Variants in DAB1 observed in about 807,000 individuals in gnomAD.
DAB1 encodes the protein DAB adaptor protein 1, also known as disabled homolog 1.
In DAB1, 15 loss-of-function variants were observed where a neutral mutation model predicts 64.6. The observed-to-expected ratio is 0.23, with a 90% CI of 0.16 to 0.36. The LOEUF is 0.36. Ranked by LOEUF, DAB1 falls within the 10% of genes least tolerant of loss-of-function variation. The pLI is 1.00. For missense variants in DAB1, 596 were observed against 706.7 expected (o/e 0.84, Z 1.78); for synonymous variants, 235 against 251.9 (o/e 0.93, Z 0.64).
At chr1:58,109,448 C>T (rs1051931721) in intron 5 of DAB1, among the ~76,000 whole-genome samples, 4 of 152,136 alleles carry the variant, frequency 2.6e-5, no homozygotes, top group Admixed American at 6.6e-5. Flanking sequence ...ATTGAATAAT[C>T]GGACTTCAGG....
intron 7 of DAB1, among the ~76,000 whole-genome samples, chr1:57,447,526 A>G (rs1372073504): frequency 1.3e-5 from 2 of 152,230 alleles, no homozygotes; most frequent in Non-Finnish European, 2.9e-5. Flanking sequence ...ATTAGTTTTT[A>G]GAGGAAGATT....
intron 1 of DAB1, among the ~76,000 whole-genome samples, chr1:57,368,255 C>A (rs1680221525): frequency 6.6e-6 from 1 of 152,206 alleles, no homozygotes; most frequent in Admixed American, 6.5e-5. Context: ...GCACCTACAG[C>A]CTGGGTGCCA....
intron 2 of DAB1, among the ~76,000 whole-genome samples, chr1:57,207,797 C>T (rs1665709067): frequency 6.6e-6 from 1 of 152,154 alleles, no homozygotes; most frequent in Admixed American, 6.5e-5. Flanking sequence ...TAACTTCTTC[C>T]AGCAAGGTGT....
At chr1:57,373,387 C>A (rs1254824246) in intron 1 of DAB1, among the ~76,000 whole-genome samples, 3 of 151,888 alleles carry the variant, frequency 2.0e-5, no homozygotes, top group East Asian at 3.9e-4. Flanking sequence ...AAATAAAGTT[C>A]TCTAGAAGAA....
At chr1:58,265,569 C>A (rs1239211567) in intron 4 of DAB1, among the ~76,000 whole-genome samples, 3 of 152,110 alleles carry the variant, frequency 2.0e-5, no homozygotes, top group African/African-American at 7.2e-5. Context: ...CTAATCAAAC[C>A]AGCAATTTTT....
intron 4 of DAB1, among the ~76,000 whole-genome samples, chr1:57,114,887 T>C (rs976839809): frequency 2.6e-5 from 4 of 152,236 alleles, no homozygotes; most frequent in Admixed American, 6.5e-5. Flanking sequence ...TGCCACTTAA[T>C]CATCACCATG....
intron 7 of DAB1, among the ~76,000 whole-genome samples, chr1:57,597,960 A>T (rs1343489920): frequency 6.6e-6 from 1 of 152,036 alleles, no homozygotes; most frequent in Non-Finnish European, 1.5e-5. Context: ...ATTTTTATTT[A>T]TTTTTTAGTT....
At chr1:57,022,050 T>C (rs1247890919) in intron 11 of DAB1, among the ~76,000 whole-genome samples, 1 of 152,206 alleles carries the variant, frequency 6.6e-6, no homozygotes, top group Non-Finnish European at 1.5e-5. Flanking sequence ...TTTATGTTAT[T>C]TCCTGTCTTC....
chr1:57,215,793 C>G (rs567655519), intron 2 of DAB1, among the ~76,000 whole-genome samples: 11 of 152,290 alleles, frequency 7.2e-5, no homozygotes, highest in African/African-American at 2.6e-4. Flanking sequence ...GACATGAATT[C>G]AGACTGGTGC....
intron 4 of DAB1, among the ~76,000 whole-genome samples, chr1:58,211,058 C>T (rs1570488735): frequency 6.6e-6 from 1 of 152,012 alleles, no homozygotes; most frequent in Admixed American, 6.6e-5. Flanking sequence ...CATCTAGAAA[C>T]CTGGAACAGA....
At chr1:57,595,265 G>GATTTTTTTTAGATTCTAA in intron 7 of DAB1, among the ~76,000 whole-genome samples, 1 of 150,928 alleles carries the variant, frequency 6.6e-6, no homozygotes, top group South Asian at 2.1e-4. Flanking sequence ...TTAGATTCTA[G>GATTTTTTTTAGATTCTAA]ATTTTTTTTA....
intron 2 of DAB1, among the ~76,000 whole-genome samples, chr1:58,518,690 T>C (rs1646212397): frequency 6.6e-6 from 1 of 151,898 alleles, no homozygotes; most frequent in Non-Finnish European, 1.5e-5. Flanking sequence ...TAGAGGGTAG[T>C]ATATTCATTG....
At chr1:57,682,982 C>A (rs994299388) in intron 6 of DAB1, among the ~76,000 whole-genome samples, 2 of 152,144 alleles carry the variant, frequency 1.3e-5, no homozygotes, top group African/African-American at 4.8e-5. Context: ...GCCTGAGTAC[C>A]CTGCTCTGCC....
At chr1:58,404,659 A>C (rs780552491) in intron 3 of DAB1, among the ~76,000 whole-genome samples, 9 of 152,342 alleles carry the variant, frequency 5.9e-5, no homozygotes, top group Non-Finnish European at 1.3e-4. Context: ...TGTGTGTTAC[A>C]AAAGTTGTAA....
chr1:57,130,529 A>C lies in DAB1; in HGVS notation c.306+6014T>G, dbSNP rs1657561195. Reference sequence around the variant, plus strand: ...AACTTAAGTGTGGTACCAGCGAATGAATATATAAATAAAATGTGGTATATA... The same window carrying C: ...AACTTAAGTGTGGTACCAGCGAATGCATATATAAATAAAATGTGGTATATA... On this transcript the variant is annotated intron_variant, in intron 4 of 14. Coordinates refer to ENST00000371236, the MANE Select transcript of DAB1 (RefSeq NM_001365792.1). Among the ~76,000 whole-genome samples, 4 of 152,178 alleles carry C rather than the reference A, an allele frequency of 2.6e-5. No homozygotes were observed. In the South Asian group the frequency reaches 8.3e-4, roughly 32 times the overall value.
intron 4 of DAB1, among the ~76,000 whole-genome samples, chr1:58,280,358 G>A (rs927867586): frequency 1.3e-5 from 2 of 152,190 alleles, no homozygotes; most frequent in East Asian, 1.9e-4. Flanking sequence ...CTAGCATGGG[G>A]ATCATCAGAA....
intron 1 of DAB1, among the ~76,000 whole-genome samples, chr1:57,321,945 G>A (rs1454763179): frequency 1.3e-5 from 2 of 152,062 alleles, no homozygotes; most frequent in African/African-American, 2.4e-5. Flanking sequence ...GAGCTCGCTC[G>A]CTCTCACCAT....
chr1:57,961,282 A>T (rs1442947713), intron 5 of DAB1, among the ~76,000 whole-genome samples: 1 of 152,182 alleles, frequency 6.6e-6, no homozygotes, highest in Non-Finnish European at 1.5e-5. Context: ...ACATATAATA[A>T]TATGTGTACA....
intron 5 of DAB1, among the ~76,000 whole-genome samples, chr1:58,032,600 C>G (rs1025207720): frequency 1.2e-4 from 19 of 152,262 alleles, no homozygotes; most frequent in African/African-American, 4.3e-4. Context: ...GAGTTGTCAT[C>G]TGTGTTTCAC....
Sources: gnomAD v4.1 joint callset for allele counts (sites outside exome capture counted in the v4.1 genomes callset) on GRCh38, gnomAD v4.1.1 for gene constraint, MANE v1.5 for transcripts, NCBI Gene and HGNC (gene_info 2026-07-23, HGNC 2026-07-21) for gene names.